The following PRELID2 variants were observed in gnomAD, a reference collection of about 807,000 sequenced individuals.
PRELID2 encodes PRELI domain-containing protein 2.
In PRELID2, 25 loss-of-function variants were observed where a neutral mutation model predicts 28.4. The observed-to-expected ratio is 0.88, with a 90% CI of 0.64 to 1.23. The LOEUF is 1.23. Ranked by LOEUF, PRELID2 falls within the 50% of genes most tolerant of loss-of-function variation. The probability of loss-of-function intolerance (pLI) is 0.00; values close to 1 mark genes in which losing one functional copy is unlikely to be tolerated. For synonymous variants in PRELID2, 76 were observed against 71.6 expected (o/e 1.06, Z -0.31); for missense variants, 201 against 214.4 (o/e 0.94, Z 0.39).
intron 2 of PRELID2, among the ~76,000 whole-genome samples, chr5:145,472,772 A>G (rs1047794702): frequency 2.0e-5 from 3 of 152,148 alleles, no homozygotes; most frequent in Admixed American, 6.6e-5. Flanking sequence ...GAGACACGAT[A>G]TAAGAACCCA....
At chr5:145,782,214 C>G (rs1751683513) in intron 5 of PRELID2, among the ~76,000 whole-genome samples, 1 of 152,132 alleles carries the variant, frequency 6.6e-6, no homozygotes, top group Non-Finnish European at 1.5e-5. Flanking sequence ...ATGCATTTGT[C>G]TTGTCTCCTT....
At chr5:145,357,272 A>G in the PRELID2 span, among the ~76,000 whole-genome samples, 3 of 152,070 alleles carry the variant, frequency 2.0e-5, no homozygotes, top group Non-Finnish European at 2.9e-5. Context: ...CCTGGATTTG[A>G]GGGTTGTCCT....
chr5:145,255,123 T>G, the PRELID2 span, among the ~76,000 whole-genome samples: 1 of 152,096 alleles, frequency 6.6e-6, no homozygotes. Context: ...TTTACTTTAG[T>G]CTCTGCTATT....
intron 1 of PRELID2, among the ~76,000 whole-genome samples, chr5:145,826,702 C>T (rs1755216179): frequency 6.6e-6 from 1 of 152,000 alleles, no homozygotes; most frequent in Admixed American, 6.6e-5. Context: ...AAGCCAAGAA[C>T]TCCATAATAT....
chr5:145,442,605 G>A, the PRELID2 span, among the ~76,000 whole-genome samples: 1 of 152,016 alleles, frequency 6.6e-6, no homozygotes, highest in Non-Finnish European at 1.5e-5. Context: ...TAGTGAGGGT[G>A]GGGGTAGGTT....
chr5:145,804,659 A>G (rs1391905169), intron 4 of PRELID2, among the ~76,000 whole-genome samples: 2 of 152,212 alleles, frequency 1.3e-5, no homozygotes, highest in African/African-American at 4.8e-5. Flanking sequence ...ACCCGATTTT[A>G]CAGATTAAAA....
At chr5:145,405,699 G>GTTTTTTTTTTTTTTTTTTTTTTT in the PRELID2 span, among the ~76,000 whole-genome samples, 4 of 45,992 alleles carry the variant, frequency 8.7e-5, 1 homozygote, top group Non-Finnish European at 4.8e-5. Flanking sequence ...GTACCACATA[G>GTTTTTTTTTTTTTTTTTTTTTTT]TTGTTTTTTT....
At chr5:145,254,197 A>T in the PRELID2 span, among the ~76,000 whole-genome samples, 18 of 152,178 alleles carry the variant, frequency 1.2e-4, 1 homozygote, top group African/African-American at 3.6e-4. Flanking sequence ...TTATTCATAC[A>T]TATCATTTTA....
rs1342198183 is a variant in PRELID2 at position 145,589,365 on chromosome 5, A to G, written n.71-116050T>C. On this transcript the variant is annotated intron_variant and non_coding_transcript_variant, in intron 1 of 2. Transcript: ENST00000510259. ...ATTTTAATTTTAATACTTTTGATAT[A>G]CATTCCCAAAAAGTAAAGGTTAATG... is the stretch of plus-strand genomic sequence containing the variant. 2.6e-5 allele frequency among the ~76,000 whole-genome samples: 4 copies of G among 152,280 alleles called. No individual in the cohort carries two copies. In the East Asian group the frequency reaches 7.7e-4, roughly 29 times the overall value.
the PRELID2 span, among the ~76,000 whole-genome samples, chr5:145,404,844 G>C: frequency 7.9e-5 from 12 of 152,250 alleles, no homozygotes; most frequent in East Asian, 2.3e-3. Context: ...AAAAGAGGAA[G>C]AAAGATATCT....
At chr5:145,530,424 TA>T (rs1220300735) in intron 1 of PRELID2, among the ~76,000 whole-genome samples, 1 of 152,066 alleles carries the variant, frequency 6.6e-6, no homozygotes, top group African/African-American at 2.4e-5. Flanking sequence ...GGGCATTGTT[TA>T]ACCTGGGCCT....
downstream of PRELID2, among the ~76,000 whole-genome samples, chr5:145,755,443 G>T (rs1190566660): frequency 6.6e-6 from 1 of 152,228 alleles, no homozygotes; most frequent in East Asian, 1.9e-4. Context: ...CTACCTTACA[G>T]TCCTGACTTG....
At chr5:145,545,867 T>G (rs1252297099) in intron 1 of PRELID2, among the ~76,000 whole-genome samples, 1 of 152,152 alleles carries the variant, frequency 6.6e-6, no homozygotes, top group African/African-American at 2.4e-5. Context: ...CATTTGGTGG[T>G]TTTCCTTTTC....
intron 1 of PRELID2, among the ~76,000 whole-genome samples, chr5:145,685,753 GAA>G (rs894734933): frequency 2.2e-4 from 34 of 152,170 alleles, no homozygotes; most frequent in African/African-American, 7.7e-4. Flanking sequence ...AGTGTATAGA[GAA>G]AAGAGGTAGA....
At chr5:145,436,557 G>A in the PRELID2 span, among the ~76,000 whole-genome samples, 1 of 152,122 alleles carries the variant, frequency 6.6e-6, no homozygotes, top group South Asian at 2.1e-4. Context: ...CAGTGTATAA[G>A]CATTCCCTTT....
At chr5:145,241,232 T>C in the PRELID2 span, among the ~76,000 whole-genome samples, 2 of 151,992 alleles carry the variant, frequency 1.3e-5, no homozygotes, top group Non-Finnish European at 2.9e-5. Flanking sequence ...GTAAGATAAA[T>C]TGATGTGTGT....
chr5:145,632,423 G>GA (rs1393081516), intron 1 of PRELID2, among the ~76,000 whole-genome samples: 1 of 152,104 alleles, frequency 6.6e-6, no homozygotes, highest in Non-Finnish European at 1.5e-5. Flanking sequence ...TTTAAATGGT[G>GA]AATATTAGAA....
At chr5:145,512,782 G>A (rs1022532245) in intron 1 of PRELID2, among the ~76,000 whole-genome samples, 1 of 152,186 alleles carries the variant, frequency 6.6e-6, no homozygotes, top group African/African-American at 2.4e-5. Flanking sequence ...AGCTTCCAAA[G>A]GAAGGAACAG....
chr5:145,383,145 GA>G, the PRELID2 span, among the ~76,000 whole-genome samples: 18 of 150,388 alleles, frequency 1.2e-4, no homozygotes, highest in Middle Eastern at 3.4e-3. Context: ...AAACATGTGG[GA>G]AAAAAAAGCA....
Sources: gnomAD v4.1 joint callset for allele counts (sites outside exome capture counted in the v4.1 genomes callset) on GRCh38, gnomAD v4.1.1 for gene constraint, MANE v1.5 for transcripts, NCBI Gene and HGNC (gene_info 2026-07-23, HGNC 2026-07-21) for gene names.